Variants in ZFAND3 observed in about 807,000 individuals in gnomAD.
ZFAND3 encodes zinc finger AN1-type containing 3.
In ZFAND3, 10 loss-of-function variants were observed where a neutral mutation model predicts 29.6. That is an observed-to-expected ratio of 0.34 (90% CI 0.21 to 0.57). The LOEUF is 0.57. Among genes scored for constraint, ZFAND3 ranks in the 20% least tolerant of loss-of-function variants. The pLI is 0.86. For missense variants in ZFAND3, 230 were observed against 304.5 expected, an observed-to-expected ratio of 0.76 and a Z score of 1.82; for synonymous variants, 128 against 112.6, an observed-to-expected ratio of 1.14 and a Z score of -0.87.
intron 2 of ZFAND3, among the ~76,000 whole-genome samples, chr6:38,036,845 C>T (rs1763667927): frequency 6.6e-6 from 1 of 152,146 alleles, no homozygotes; most frequent in Admixed American, 6.5e-5. Flanking sequence ...AACCCCTGGT[C>T]TGAAGCAATC....
intron 1 of ZFAND3, among the ~76,000 whole-genome samples, chr6:37,838,086 T>G (rs1297190177): frequency 6.6e-6 from 1 of 152,182 alleles, no homozygotes; most frequent in Non-Finnish European, 1.5e-5. Flanking sequence ...CAAGGACAAC[T>G]TGCTGTATTT....
chr6:37,914,131 C>T (rs1332836176), intron 1 of ZFAND3, among the ~76,000 whole-genome samples: 1 of 152,202 alleles, frequency 6.6e-6, no homozygotes, highest in Non-Finnish European at 1.5e-5. Context: ...GGCATGAAAA[C>T]AGCATTCATT....
intron 1 of ZFAND3, among the ~76,000 whole-genome samples, chr6:37,896,551 TTTC>T (rs1283969194): frequency 1.8e-4 from 24 of 131,376 alleles, no homozygotes; most frequent in African/African-American, 6.6e-4. Context: ...TCTTTCTTTC[TTTC>T]TTTCTTTCTT....
chr6:37,968,015 GT>G (rs1052713113), intron 2 of ZFAND3, among the ~76,000 whole-genome samples: 1 of 152,150 alleles, frequency 6.6e-6, no homozygotes, highest in African/African-American at 2.4e-5. Context: ...TGCCCTGCTG[GT>G]AGGAGAGCAC....
chr6:37,994,401 G>A (rs1453036437), intron 2 of ZFAND3, among the ~76,000 whole-genome samples: 1 of 152,190 alleles, frequency 6.6e-6, no homozygotes, highest in Non-Finnish European at 1.5e-5. Context: ...GTCTGAAGCA[G>A]TTCTTAAGTG....
intron 2 of ZFAND3, among the ~76,000 whole-genome samples, chr6:37,932,379 C>G (rs556762736): frequency 6.6e-5 from 10 of 152,090 alleles, no homozygotes; most frequent in African/African-American, 2.4e-4. Flanking sequence ...ATAGTGAAGA[C>G]GAAAGTAGCA....
intron 2 of ZFAND3, among the ~76,000 whole-genome samples, chr6:38,043,580 C>T (rs1178098981): frequency 1.3e-5 from 2 of 149,662 alleles, no homozygotes; most frequent in African/African-American, 2.5e-5. Flanking sequence ...CCCCCTTCCC[C>T]TCTTCCCCTT....
At chr6:37,832,490 A>T (rs1490151851) in intron 1 of ZFAND3, among the ~76,000 whole-genome samples, 3 of 152,242 alleles carry the variant, frequency 2.0e-5, no homozygotes, top group Admixed American at 2.0e-4. Context: ...TTTGTACAGT[A>T]GGAAAAAGTT....
chr6:37,996,839 T>A (rs1236669691), intron 2 of ZFAND3, among the ~76,000 whole-genome samples: 3 of 152,356 alleles, frequency 2.0e-5, no homozygotes, highest in Middle Eastern at 3.4e-3. Context: ...TCCAATTATT[T>A]TGAATTGTTG....
intron 1 of ZFAND3, among the ~76,000 whole-genome samples, chr6:37,844,274 C>T (rs867716521): frequency 8.6e-5 from 13 of 150,774 alleles, no homozygotes; most frequent in South Asian, 2.1e-4. Flanking sequence ...CCTTGTCTTT[C>T]TTTCCTTCTC....
At position 37,887,671 on chromosome 6, in the gene ZFAND3, T is replaced by C. The variant is rs1017807613; in HGVS notation, c.72-42288T>C. Among the ~76,000 whole-genome samples, 3 of 152,216 alleles carry C rather than the reference T, an allele frequency of 2.0e-5. 1 individual carries two copies. The highest frequency in any genetic ancestry group is 1.3e-4 in the Admixed American group (2 of 15,284). Reference sequence around the variant, plus strand: ...AGATGCAACTGTCGTAAATATACCATGTATGCATCTTCTCTGTTAAATGAT... The same window carrying C: ...AGATGCAACTGTCGTAAATATACCACGTATGCATCTTCTCTGTTAAATGAT... On this transcript the variant is annotated intron_variant, in intron 1 of 5. Coordinates refer to ENST00000287218, the MANE Select transcript of ZFAND3 (RefSeq NM_021943.3).
intron 2 of ZFAND3, among the ~76,000 whole-genome samples, chr6:38,060,343 T>C (rs1268863845): frequency 6.6e-6 from 1 of 152,140 alleles, no homozygotes; most frequent in Non-Finnish European, 1.5e-5. Context: ...ACTCTAGCCA[T>C]AGTAGCTTTC....
intron 1 of ZFAND3, among the ~76,000 whole-genome samples, chr6:37,871,892 A>G (rs1036777703): frequency 1.3e-5 from 2 of 152,210 alleles, no homozygotes; most frequent in African/African-American, 4.8e-5. Context: ...GAATGGTCTC[A>G]AAATTGAAAC....
At chr6:38,083,987 ATTATTT>A in intron 4 of ZFAND3, among the ~76,000 whole-genome samples, 1 of 152,298 alleles carries the variant, frequency 6.6e-6, no homozygotes, top group South Asian at 2.1e-4. Context: ...CAAGATAGTT[ATTATTT>A]TTCCTCTTTT....
intron 2 of ZFAND3, among the ~76,000 whole-genome samples, chr6:37,968,857 G>A (rs759323568): frequency 6.6e-6 from 1 of 152,160 alleles, no homozygotes; most frequent in East Asian, 1.9e-4. Flanking sequence ...TGAAACACCC[G>A]AGTGTGTCCA....
chr6:37,846,879 T>C (rs1764189478), intron 1 of ZFAND3, among the ~76,000 whole-genome samples: 1 of 151,922 alleles, frequency 6.6e-6, no homozygotes, highest in African/African-American at 2.4e-5. Context: ...GCCTGGCTAA[T>C]TTTTTGTAGT....
intron 2 of ZFAND3, among the ~76,000 whole-genome samples, chr6:38,051,628 C>T (rs1764028627): frequency 6.6e-6 from 1 of 152,170 alleles, no homozygotes; most frequent in Non-Finnish European, 1.5e-5. Context: ...TTTATTTTGT[C>T]AGCTTTACCC....
At chr6:37,964,125 A>G (rs987170210) in intron 2 of ZFAND3, among the ~76,000 whole-genome samples, 13 of 152,210 alleles carry the variant, frequency 8.5e-5, no homozygotes, top group African/African-American at 2.4e-5. Flanking sequence ...AAATAAAACA[A>G]ATCTTTGAGT....
rs1044837869 is a variant in ZFAND3, at chr6:38,094,582, C to A, written c.361+12125C>A. Among the ~76,000 whole-genome samples the A allele has an allele frequency of 9.9e-5, 15 of 152,236 alleles. No individual in the cohort carries two copies. The East Asian group carries it at 2.1e-3, about 22-fold the overall frequency. ...CTTAAAGTCCTCCTTTTTGAGATGT[C>A]AACTGGCATGAAATAGGAAGATTTA... On this transcript the variant is annotated intron_variant, in intron 4 of 5. Coordinates refer to ENST00000287218, the MANE Select transcript of ZFAND3 (RefSeq NM_021943.3).
Sources: allele counts gnomAD v4.1 joint callset (sites outside exome capture counted in the v4.1 genomes callset), GRCh38; gene constraint gnomAD v4.1.1; transcripts MANE v1.5; gene names NCBI Gene and HGNC (gene_info 2026-07-23, HGNC 2026-07-21).